LATS2: variants seen among roughly 807,000 people sequenced by gnomAD.
The protein encoded by LATS2 is serine/threonine-protein kinase LATS2.
Under a neutral mutation model 76.0 loss-of-function variants are expected in LATS2, and 24 were observed. That is an observed-to-expected ratio of 0.32 (90% CI 0.23 to 0.44). LATS2 has a LOEUF of 0.44. LATS2 is among the 20% of genes least tolerant of loss of function. The probability of loss-of-function intolerance (pLI) is 1.00; values close to 1 mark genes in which losing one functional copy is unlikely to be tolerated. For synonymous variants in LATS2, 692 were observed against 635.4 expected, an observed-to-expected ratio of 1.09 and a Z score of -1.34; for missense variants, 1,286 against 1,481.2, an observed-to-expected ratio of 0.87 and a Z score of 2.16.
chr13:21,005,505 G>A (rs914337953), intron 2 of LATS2: 3 of 152,222 alleles, frequency 2.0e-5, no homozygotes, highest in East Asian at 3.8e-4. Flanking sequence ...GCTTCATTCT[G>A]AACTTCCAGT....
chr13:21,043,331 C>T (rs1230869582), intron 2 of LATS2, among the ~76,000 whole-genome samples: 3 of 150,410 alleles, frequency 2.0e-5, no homozygotes, highest in African/African-American at 7.4e-5. Context: ...AGCAAGACAC[C>T]GTCTAAAAAA....
chr13:21,051,707 C>A (rs1188180332), intron 1 of LATS2, among the ~76,000 whole-genome samples: 1 of 152,042 alleles, frequency 6.6e-6, no homozygotes, highest in Non-Finnish European at 1.5e-5. Context: ...ACATGTAATC[C>A]TGGCACTTTG....
intron 2 of LATS2, among the ~76,000 whole-genome samples, chr13:21,016,702 G>A (rs74914415): frequency 1.3e-4 from 20 of 152,282 alleles, no homozygotes; most frequent in South Asian, 1.0e-3. Context: ...AAGGCGCCAA[G>A]AGCAGCCTCT....
rs660787 is a variant in LATS2 at position 21,003,968 on chromosome 13, G to A, written c.343-12564C>T. ...TGACTACAAAATTACTTTTATTAAT[G>A]TTTAAATGCTTTTGTTCTTAAAGTG... On this transcript the variant is annotated intron_variant, in intron 2 of 7. Transcript: ENST00000382592. Among the ~76,000 whole-genome samples the A allele has an allele frequency of 4.1e-3, 621 of 152,268 alleles. 4 individuals carry two copies. Among genetic ancestry groups the A allele is most frequent in the African/African-American group, 0.014 (596 of 41,550 alleles).
intron 2 of LATS2, among the ~76,000 whole-genome samples, chr13:21,039,137 C>G (rs148865677): frequency 1.7e-3 from 256 of 152,032 alleles, no homozygotes; most frequent in Non-Finnish European, 2.9e-3. Context: ...AATTTGAAAG[C>G]CACTAAGAAA....
At chr13:21,040,882 T>A (rs566286248) in intron 2 of LATS2, among the ~76,000 whole-genome samples, 1 of 152,256 alleles carries the variant, frequency 6.6e-6, no homozygotes, top group East Asian at 1.9e-4. Context: ...AATTCTTATC[T>A]GAGGAATCTG....
intron 2 of LATS2, among the ~76,000 whole-genome samples, chr13:21,041,159 A>C (rs770300330): frequency 3.3e-4 from 50 of 152,276 alleles, no homozygotes; most frequent in Non-Finnish European, 5.6e-4. Context: ...TTTTTAGTAC[A>C]GACAGGGTTT....
rs1870348375 is a variant in LATS2, at chr13:20,988,805, G to A, written c.975C>T (p.Ala325=). The change falls in exon 4 of 8, where the codon GCC becomes GCT. Residue 325 remains alanine, a synonymous_variant. Coordinates refer to ENST00000382592, the MANE Select transcript of LATS2 (RefSeq NM_014572.3). ...GGGAGCCCAGCACATGCAGCTGGTG[G>A]GCCGCGGGACCGGCCTGCTTGTGGT... ...HPHHKQAGPA[A]HQLHVLGSRS... is the part of the protein sequence containing the mutation. 1 of 1,595,890 alleles carries A rather than the reference G, an allele frequency of 6.3e-7. No homozygotes were observed. Among genetic ancestry groups the A allele is most frequent in the South Asian group, 1.1e-5 (1 of 90,596 alleles).
chr13:20,990,038 G>A (rs1035978279), intron 3 of LATS2, among the ~76,000 whole-genome samples: 2 of 152,208 alleles, frequency 1.3e-5, no homozygotes, highest in African/African-American at 2.4e-5. Context: ...AGAGGGTGCC[G>A]AAGGGTGGAA....
At chr13:21,031,154 T>TA (rs564441514) in intron 2 of LATS2, among the ~76,000 whole-genome samples, 2 of 152,212 alleles carry the variant, frequency 1.3e-5, no homozygotes, top group Non-Finnish European at 2.9e-5. Context: ...TGGCTTTCAT[T>TA]AGCTTAAATA....
intron 3 of LATS2, among the ~76,000 whole-genome samples, 153 bp from the exon 4 acceptor site, chr13:20,989,457 A>G (rs1870413534): frequency 6.6e-6 from 1 of 152,174 alleles, no homozygotes; most frequent in Non-Finnish European, 1.5e-5. Flanking sequence ...GCACAGGGTC[A>G]GTGGACTCCC....
intron 7 of LATS2, among the ~76,000 whole-genome samples, chr13:20,978,047 C>G (rs1389881594): frequency 1.3e-5 from 2 of 152,062 alleles, no homozygotes; most frequent in African/African-American, 2.4e-5. Flanking sequence ...TCCCAAGTAG[C>G]TGAGACTACA....
intron 2 of LATS2, chr13:21,018,123 G>C (rs1195136495): frequency 1.3e-5 from 2 of 152,140 alleles, no homozygotes; most frequent in African/African-American, 4.8e-5. Flanking sequence ...GAGACTTTTA[G>C]GTAGAATACA....
In LATS2 at chr13:21,026,417, T is replaced by C. The variant is rs1029563875; in HGVS notation, c.342+19268A>G. On this transcript the variant is annotated intron_variant, in intron 2 of 7. Transcript: ENST00000382592. ...TCGTGCAGCATGATTTTGAAGCCCA[T>C]TGATGCTGTTGTATAAGTGGTCCCT... Among the ~76,000 whole-genome samples the C allele has an allele frequency of 9.2e-5, 14 of 152,222 alleles. No homozygotes were observed. The East Asian group carries it at 1.2e-3, about 13-fold the overall frequency.
chr13:21,052,897 G>A lies in LATS2; in HGVS notation c.-204-6667C>T, dbSNP rs369747828. Among the ~76,000 whole-genome samples the A allele has an allele frequency of 7.9e-5, 12 of 152,266 alleles. No individual in the cohort carries two copies. In the East Asian group the frequency reaches 1.5e-3, roughly 20 times the overall value. ...TCCTGTGTATGTCAAAGGCACCGAT[G>A]CTTCCTGTCCTCCCCAACCTGCAAA... On this transcript the variant is annotated intron_variant, in intron 1 of 7. Transcript: ENST00000382592.
At chr13:20,989,631 AG>A (rs1321975220) in intron 3 of LATS2, among the ~76,000 whole-genome samples, 2 of 152,134 alleles carry the variant, frequency 1.3e-5, no homozygotes, top group African/African-American at 4.8e-5. Flanking sequence ...CTGTCAGGCT[AG>A]GGAGCCGTCT....
intron 2 of LATS2, among the ~76,000 whole-genome samples, chr13:21,010,201 A>AAAACAAACAACC (rs1871535437): frequency 6.6e-6 from 1 of 150,610 alleles, no homozygotes; most frequent in African/African-American, 2.5e-5. Flanking sequence ...CTCTGTCAAA[A>AAAACAAACAACC]AAACAAACAA....
chr13:20,981,629 G>C lies in LATS2; in HGVS notation c.2502C>G (p.Asp834Glu), dbSNP rs1177103009. The change falls in exon 6 of 8, where the codon GAC (aspartate) becomes GAG (glutamate). Residue 834 changes from aspartate to glutamate, a missense_variant. This residue lies in a region of LATS2 where 247 missense variants were observed against 385.4 expected (regional missense o/e 0.64). Transcript: ENST00000382592. ...YYQKGSHVRQ[D>E]SMEPSDLWDD... is the part of the protein sequence containing the mutation. The stretch of plus-strand genomic sequence containing the variant: ...CCCAGAGGTCGCTGGGCTCCATGCT[G>C]TCCTGTCTGACATGGCTCCCTTCAC... The C allele has an allele frequency of 9.9e-6, 16 of 1,608,606 alleles. No individual in the cohort carries two copies. The highest frequency in any genetic ancestry group is 1.3e-5 in the Non-Finnish European group (15 of 1,178,224).
At chr13:21,029,720 G>A (rs1467177110) in intron 2 of LATS2, among the ~76,000 whole-genome samples, 1 of 152,134 alleles carries the variant, frequency 6.6e-6, no homozygotes, top group Non-Finnish European at 1.5e-5. Flanking sequence ...GAACCCGGGA[G>A]GCAGAGGTTG....
Sources: allele counts gnomAD v4.1 joint callset (sites outside exome capture counted in the v4.1 genomes callset), GRCh38; gene constraint gnomAD v4.1.1; regional missense constraint gnomAD v4.1.1; transcripts MANE v1.5; gene names NCBI Gene and HGNC (gene_info 2026-07-23, HGNC 2026-07-21).